The following ABCD3 variants were observed in gnomAD, a reference collection of about 807,000 sequenced individuals.
The protein encoded by ABCD3 is ATP-binding cassette sub-family D member 3.
A neutral mutation model predicts 105.5 loss-of-function variants in ABCD3; 41 were observed. That is an observed-to-expected ratio of 0.39 (90% CI 0.30 to 0.50). ABCD3 has a LOEUF of 0.50. Ranked by LOEUF, ABCD3 falls within the 20% of genes least tolerant of loss-of-function variation. ABCD3 has a pLI of 0.84. For missense variants in ABCD3, 622 were observed against 806.3 expected, an observed-to-expected ratio of 0.77 and a Z score of 2.77; for synonymous variants, 258 against 269.0, an observed-to-expected ratio of 0.96 and a Z score of 0.40.
intron 20 of ABCD3, among the ~76,000 whole-genome samples, chr1:94,505,946 A>G (rs762395122): frequency 3.9e-5 from 6 of 152,224 alleles, no homozygotes; most frequent in East Asian, 1.9e-4. Flanking sequence ...CAGAAAATAC[A>G]TGGGAACATA....
intron 1 of ABCD3, among the ~76,000 whole-genome samples, chr1:94,444,868 G>C (rs1660287908): frequency 6.6e-6 from 1 of 152,196 alleles, no homozygotes; most frequent in African/African-American, 2.4e-5. Context: ...AGCACTGTGA[G>C]ATGTTTGCAA....
At chr1:94,499,981 A>G (rs11811963) in intron 20 of ABCD3, among the ~76,000 whole-genome samples, 2,663 of 152,068 alleles carry the variant, frequency 0.018, 67 homozygotes, top group African/African-American at 0.061. Context: ...CTTTTGTATC[A>G]CTCAGGCTAT....
At chr1:94,509,389 G>C (rs565735610) in intron 21 of ABCD3, among the ~76,000 whole-genome samples, 54 of 152,168 alleles carry the variant, frequency 3.5e-4, no homozygotes, top group Middle Eastern at 3.4e-3. Context: ...TTCGGTTTGC[G>C]AGTATTTTAT....
intron 4 of ABCD3, 105 bp from the exon 5 acceptor site, chr1:94,473,656 TTTTGA>T (rs1474165745): frequency 2.3e-6 from 2 of 887,596 alleles, no homozygotes; most frequent in African/African-American, 3.3e-5. Flanking sequence ...TTATTGATTG[TTTTGA>T]TTTAATAGAA....
rs1651032406 is a variant in ABCD3, at chr1:94,518,524, C to T, written c.*1395C>T. 2.0e-5 allele frequency: 3 copies of T among 150,236 alleles called. No individual in the cohort carries two copies. The highest frequency in any genetic ancestry group is 1.3e-4 in the Admixed American group (2 of 14,984). The allele number at this position is 150,236 out of a possible 1,614,324, so 9.3% of individuals were successfully genotyped here. ...AAAAAAAAAAAAAAAACTCAGATAT[C>T]CTATACAACCTTTGCTTGTTCTTTT... On this transcript the variant is annotated 3_prime_UTR_variant, in exon 23 of 23. Coordinates refer to ENST00000370214, the MANE Select transcript of ABCD3 (RefSeq NM_002858.4).
Position 94,456,255 on chromosome 1 carries a change from ATTTTTTTTTTTTTTTT to A in ABCD3, c.111-2331_111-2316del, listed in dbSNP as rs71094301. Among the ~76,000 whole-genome samples the A allele has an allele frequency of 1.6e-3, 74 of 44,962 alleles. 1 individual carries two copies. The highest frequency in any genetic ancestry group is 4.5e-3 in the African/African-American group (51 of 11,256). 29.5% of individuals were successfully genotyped at this position (44,962 alleles called of 152,430 possible). A position where few individuals can be genotyped will look rare whatever the true frequency, so the allele number is the denominator to read the frequency against. On this transcript the variant is annotated intron_variant, in intron 1 of 22. Coordinates refer to ENST00000370214, the MANE Select transcript of ABCD3 (RefSeq NM_002858.4). Reference sequence around the variant, plus strand: ...CATCCATGTTGTTGCAAATGACAGAATTTTTTTTTTTTTTTTTTTTTTTTTTTTTTTTTTTTGGAGA... The same window carrying A: ...CATCCATGTTGTTGCAAATGACAGAATTTTTTTTTTTTTTTTTTTTGGAGA...
chr1:94,399,585 T>C, the ABCD3 span, among the ~76,000 whole-genome samples: 1 of 152,214 alleles, frequency 6.6e-6, no homozygotes, highest in African/African-American at 2.4e-5. Context: ...AAGCTTGAGG[T>C]GGAACCCAGA....
chr1:94,404,064 A>G, the ABCD3 span, among the ~76,000 whole-genome samples: 1 of 152,204 alleles, frequency 6.6e-6, no homozygotes. Flanking sequence ...CATACCACAT[A>G]CATATTTTAC....
At chr1:94,390,679 T>C in the ABCD3 span, among the ~76,000 whole-genome samples, 1 of 152,150 alleles carries the variant, frequency 6.6e-6, no homozygotes, top group Non-Finnish European at 1.5e-5. Flanking sequence ...TACTTAGACA[T>C]ATTAACTTGG....
At chr1:94,452,077 A>T (rs77461205) in intron 1 of ABCD3, among the ~76,000 whole-genome samples, 17 of 152,288 alleles carry the variant, frequency 1.1e-4, no homozygotes, top group African/African-American at 3.9e-4. Flanking sequence ...CTAATCACTG[A>T]GGTCAAGGTT....
intron 1 of ABCD3, among the ~76,000 whole-genome samples, chr1:94,422,685 A>G (rs781020372): frequency 2.6e-5 from 4 of 152,236 alleles, no homozygotes; most frequent in Non-Finnish European, 1.5e-5. Flanking sequence ...GACATAGGAT[A>G]GTTGAAGAAC....
intron 5 of ABCD3, 56 bp downstream of exon 5, chr1:94,473,891 A>G: frequency 1.5e-6 from 2 of 1,372,452 alleles, no homozygotes; most frequent in Non-Finnish European, 2.1e-6. Context: ...TCTTATTAAA[A>G]TCTTTAAGGG....
intron 9 of ABCD3, chr1:94,482,940 T>A: frequency 3.9e-6 from 2 of 517,604 alleles, no homozygotes; most frequent in Non-Finnish European, 3.5e-6. Context: ...ACCTATGCCA[T>A]AGGTTGCAGT....
intron 1 of ABCD3, among the ~76,000 whole-genome samples, chr1:94,443,148 A>C (rs1397711265): frequency 6.6e-6 from 1 of 152,114 alleles, no homozygotes; most frequent in Non-Finnish European, 1.5e-5. Context: ...ACTTTTTAAT[A>C]ATAGCCATTT....
intron 21 of ABCD3, among the ~76,000 whole-genome samples, chr1:94,511,232 A>G (rs1361952056): frequency 6.6e-6 from 1 of 151,850 alleles, no homozygotes; most frequent in East Asian, 1.9e-4. Context: ...AAAGTATTTT[A>G]TTTCTCCTTT....
chr1:94,454,124 A>G lies in ABCD3; in HGVS notation c.111-4483A>G, dbSNP rs189786189. ...ACACGTATTTGATGTGGTTATGGAA[A>G]TAAATTGAAAGAGGACAGAAACTAA... is the stretch of plus-strand genomic sequence containing the variant. On this transcript the variant is annotated intron_variant, in intron 1 of 22. Transcript: ENST00000370214. 1.7e-4 allele frequency among the ~76,000 whole-genome samples: 26 copies of G among 152,248 alleles called. No individual in the cohort carries two copies. The East Asian group carries it at 4.8e-3, about 28-fold the overall frequency.
chr1:94,414,451 CCTAGA>C (rs1658963754), upstream of ABCD3, among the ~76,000 whole-genome samples: 1 of 152,106 alleles, frequency 6.6e-6, no homozygotes, highest in South Asian at 2.1e-4. Context: ...CTACCTTTTA[CCTAGA>C]CTATTTCATG....
Position 94,489,932 on chromosome 1 carries a change from A to T in ABCD3, c.1279A>T (p.Ile427Leu), listed in dbSNP as rs762703708. Residue 427 changes from isoleucine (I) to leucine (L), a missense_variant, in exon 15 of 23, where the codon ATA becomes TTA. Around this residue, in one of 4 missense-constraint regions of ABCD3, gnomAD observed 285 missense variants for 352.5 expected, o/e 0.81. Transcript: ENST00000370214. ...GIEGVQVIPL[I>L]PGAGEIIIAD... is the part of the protein sequence containing the mutation. Reference sequence around the variant, plus strand: ...TGAAGGAGTACAAGTCATTCCCTTGATACCTGGTGCTGGAGAAATCATTAT... The same window carrying T: ...TGAAGGAGTACAAGTCATTCCCTTGTTACCTGGTGCTGGAGAAATCATTAT... The T allele has an allele frequency of 6.2e-7, 1 of 1,613,240 alleles. No individual in the cohort carries two copies. The highest frequency in any genetic ancestry group is 8.5e-7 in the Non-Finnish European group (1 of 1,179,360).
At chr1:94,428,162 G>T (rs1659543061) in intron 1 of ABCD3, among the ~76,000 whole-genome samples, 1 of 151,392 alleles carries the variant, frequency 6.6e-6, no homozygotes, top group South Asian at 2.1e-4. Context: ...CAGTTTGCTA[G>T]ATTAGCAGGC....
Sources: gnomAD v4.1 joint callset for allele counts (sites outside exome capture counted in the v4.1 genomes callset) on GRCh38, gnomAD v4.1.1 for gene constraint, gnomAD v4.1.1 regional missense constraint, MANE v1.5 for transcripts, NCBI Gene and HGNC (gene_info 2026-07-23, HGNC 2026-07-21) for gene names.